NIBAN3: variants seen among roughly 807,000 people sequenced by gnomAD.
NIBAN3 encodes the protein protein Niban 3.
A neutral mutation model predicts 76.4 loss-of-function variants in NIBAN3; 66 were observed. That is an observed-to-expected ratio of 0.86 (90% CI 0.71 to 1.06). The LOEUF (loss-of-function observed/expected upper bound fraction) is 1.06, where lower values mean the gene tolerates loss of function less well. NIBAN3 is among the 50% of genes least tolerant of loss of function. The pLI is 0.00. For missense variants in NIBAN3, 808 were observed against 810.7 expected, an observed-to-expected ratio of 1.00 and a Z score of 0.04; for synonymous variants, 360 against 355.2, an observed-to-expected ratio of 1.01 and a Z score of -0.15.
downstream of NIBAN3, chr19:17,553,754 G>T: frequency 1.7e-6 from 1 of 603,804 alleles, no homozygotes; most frequent in East Asian, 2.7e-5. Context: ...AACATTGTTT[G>T]CCCTTGGGTC....
chr19:17,554,771 C>T (rs1281982215), downstream of NIBAN3, among the ~76,000 whole-genome samples: 3 of 105,066 alleles, frequency 2.9e-5, no homozygotes, highest in African/African-American at 8.1e-5. Flanking sequence ...TGGAGTGAGA[C>T]GCTGTCTCAA....
At chr19:17,528,312 G>A (rs1038314508) in intron 1 of NIBAN3, among the ~76,000 whole-genome samples, 12 of 151,920 alleles carry the variant, frequency 7.9e-5, no homozygotes, top group Admixed American at 5.3e-4. Context: ...GGTTGGTCTC[G>A]AACTCCTGAT....
chr19:17,545,776 C>T (rs140550377), intron 12 of NIBAN3: 5,531 of 212,112 alleles, frequency 0.026, 284 homozygotes, highest in African/African-American at 0.11. Flanking sequence ...GGATGGAACA[C>T]GAAGGCGGAC....
chr19:17,533,384 T>C (rs893283023), intron 3 of NIBAN3: 21 of 489,876 alleles, frequency 4.3e-5, no homozygotes, highest in African/African-American at 3.0e-4. Flanking sequence ...CACTCCAGCC[T>C]GGGTGACAGA....
At chr19:17,527,779 T>A (rs1334553722) in intron 1 of NIBAN3, among the ~76,000 whole-genome samples, 1 of 151,964 alleles carries the variant, frequency 6.6e-6, no homozygotes, top group East Asian at 1.9e-4. Context: ...AGTTTGCTTT[T>A]GAACTTGTGG....
At chr19:17,528,178 G>A (rs749278702) in intron 1 of NIBAN3, among the ~76,000 whole-genome samples, 10 of 151,806 alleles carry the variant, frequency 6.6e-5, no homozygotes, top group African/African-American at 1.5e-4. Context: ...TGCAACCTCC[G>A]CCTCCAGGAT....
At chr19:17,546,198 G>C (rs2076051894) in intron 12 of NIBAN3, 1 of 163,616 alleles carries the variant, frequency 6.1e-6, no homozygotes, top group Admixed American at 5.9e-5. Context: ...TATAATATTG[G>C]AATAAAGAGT....
At chr19:17,525,937 T>TAAACA (rs1250617332), upstream of NIBAN3, among the ~76,000 whole-genome samples, 1 of 151,660 alleles carries the variant, frequency 6.6e-6, no homozygotes, top group South Asian at 2.1e-4. Flanking sequence ...CCATCTCTAC[T>TAAACA]AAACAAAACA....
Position 17,543,321 on chromosome 19 carries a change from T to C in NIBAN3, c.1334T>C (p.Met445Thr). 1.9e-6 allele frequency: 3 copies of C among 1,559,154 alleles called. No homozygotes were observed. Among genetic ancestry groups the C allele is most frequent in the Non-Finnish European group, 2.6e-6 (3 of 1,149,070 alleles). The change falls in exon 11 of 15, where the codon ATG (methionine) becomes ACG (threonine). Residue 445 changes from methionine (M) to threonine (T), a missense_variant. Met to Thr is a moderately conservative substitution (Grantham distance 81). Coordinates refer to ENST00000599164, the MANE Select transcript of NIBAN3 (RefSeq NM_001321827.2). ...FGAQDLAQQL[M>T]ADAVATFLQL... is the part of the protein sequence containing the mutation. ...TCATAGCATCTCCTCCCACAGCTCA[T>C]GGCTGACGCCGTGGCCACCTTCCTG...
chr19:17,533,782 G>A, intron 4 of NIBAN3, 81 bp downstream of exon 4: 1 of 1,075,870 alleles, frequency 9.3e-7, no homozygotes, highest in Non-Finnish European at 1.4e-6. Context: ...TCTCTGCGGT[G>A]GGGGCGTCCC....
downstream of NIBAN3, chr19:17,553,770 C>T (rs1280656326): frequency 1.8e-6 from 1 of 563,104 alleles, no homozygotes; most frequent in African/African-American, 1.9e-5. Flanking sequence ...GGGTCTAAAT[C>T]CTTCCAGATG....
intron 5 of NIBAN3, among the ~76,000 whole-genome samples, chr19:17,538,632 A>C (rs758711691): frequency 1.3e-5 from 2 of 150,028 alleles, no homozygotes; most frequent in Non-Finnish European, 2.9e-5. Context: ...AAGAGAGAGA[A>C]AAGAAAAGAA....
In NIBAN3 at chr19:17,540,525, G is replaced by A; in HGVS notation, c.1113G>A (p.Met371Ile). The A allele has an allele frequency of 6.3e-7, 1 of 1,586,766 alleles. No homozygotes were observed. The highest frequency in any genetic ancestry group is 8.6e-7 in the Non-Finnish European group (1 of 1,166,722). The part of the protein sequence containing the change: ...EAVRTLLAQG[M>I]DRLSHRLRQS... ...TGCGGACCCTCCTGGCTCAAGGCAT[G>A]GACCGACTGTCCCACCGCCTGCGCC... is the stretch of plus-strand genomic sequence containing the variant. Residue 371 changes from methionine to isoleucine, a missense_variant, in exon 9 of 15, where the codon ATG becomes ATA. Coordinates refer to ENST00000599164, the MANE Select transcript of NIBAN3 (RefSeq NM_001321827.2).
Position 17,540,589 on chromosome 19 carries a change from T to C in NIBAN3, c.1170+7T>C. The C allele has an allele frequency of 6.7e-7, 1 of 1,482,208 alleles. No individual in the cohort carries two copies. The highest frequency in any genetic ancestry group is 9.0e-7 in the Non-Finnish European group (1 of 1,112,948). 91.8% of individuals were successfully genotyped at this position (1,482,208 alleles called of 1,614,324 possible). On this transcript the variant is annotated splice_region_variant and intron_variant, in intron 9 of 14. Coordinates refer to ENST00000599164, the MANE Select transcript of NIBAN3 (RefSeq NM_001321827.2). ...CACGCGGCTGCGCAGGGAGGTGAGC[T>C]CCCGTGGGTAGGGGTTCAGTGAGCC... is the stretch of plus-strand genomic sequence containing the variant.
chr19:17,554,713 G>A (rs1394755533), downstream of NIBAN3, among the ~76,000 whole-genome samples: 3 of 149,570 alleles, frequency 2.0e-5, no homozygotes, highest in East Asian at 1.9e-4. Context: ...CCGGGAGGCG[G>A]AGGTTGCAGT....
At chr19:17,539,996 T>G (rs758926041) in intron 8 of NIBAN3, among the ~76,000 whole-genome samples, 14 of 150,476 alleles carry the variant, frequency 9.3e-5, no homozygotes, top group Admixed American at 2.6e-4. Flanking sequence ...GCCTAGAGTC[T>G]GTCCGGAGGA....
intron 4 of NIBAN3, among the ~76,000 whole-genome samples, chr19:17,536,017 A>G (rs1465834819): frequency 6.6e-6 from 1 of 152,142 alleles, no homozygotes; most frequent in African/African-American, 2.4e-5. Context: ...AAGGCAGAAA[A>G]TCCCATCTTG....
chr19:17,540,218 G>C (rs1289749809), intron 8 of NIBAN3, 174 bp from the exon 9 acceptor site: 4 of 460,644 alleles, frequency 8.7e-6, no homozygotes, highest in African/African-American at 2.0e-5. Context: ...CAAAGACCCA[G>C]GTGGGAATCC....
At chr19:17,545,195 ATTTT>A (rs1568460698) in intron 12 of NIBAN3, 1 of 149,168 alleles carries the variant, frequency 6.7e-6, no homozygotes, top group African/African-American at 2.7e-5. Context: ...ATTTTATTTT[ATTTT>A]ATTTTATTTT....
Sources: allele counts gnomAD v4.1 joint callset (sites outside exome capture counted in the v4.1 genomes callset), GRCh38; gene constraint gnomAD v4.1.1; transcripts MANE v1.5; gene names NCBI Gene and HGNC (gene_info 2026-07-23, HGNC 2026-07-21).